Variants in BTBD10 observed in about 807,000 individuals in gnomAD.
BTBD10 encodes BTB domain containing 10, also known as BTB/POZ domain-containing protein 10.
Under a neutral mutation model 53.2 loss-of-function variants are expected in BTBD10, and 21 were observed. That is an observed-to-expected ratio of 0.39 (90% CI 0.28 to 0.57). BTBD10 has a LOEUF of 0.57. Among genes scored for constraint, BTBD10 ranks in the 20% least tolerant of loss-of-function variants. The pLI is 0.53. For synonymous variants in BTBD10, 149 were observed against 192.7 expected (o/e 0.77, Z 1.88); for missense variants, 360 against 594.7 (o/e 0.61, Z 4.10).
rs1949322599 is a variant in BTBD10, at chr11:13,388,730, G to A, written c.*101C>T. 5 of 1,248,534 alleles carry A rather than the reference G, an allele frequency of 4.0e-6. No individual in the cohort carries two copies. In the East Asian group the frequency reaches 1.2e-4, roughly 29 times the overall value. The allele number at this position is 1,248,534 out of a possible 1,614,324, so 77.3% of individuals were successfully genotyped here. ...ACTGCAATATCCTAAACATTGTTAT[G>A]TGCATCTCACAATGAAGAAGAGTGG... On this transcript the variant is annotated 3_prime_UTR_variant, in exon 9 of 9. Transcript: ENST00000278174.
In BTBD10 at chr11:13,421,827, C is replaced by A; in HGVS notation, c.113G>T (p.Arg38Leu). ...GTGGTCAACTCCTCCTTTAGCAATA[C>A]GCGAGGAAGTACTGATAAGTTAGAA... The part of the protein sequence containing the change: ...KLYKHSSTSS[R>L]IAKGGVDHTK... The change falls in exon 3 of 9, where the codon CGT becomes CTT. Residue 38 changes from arginine (R) to leucine (L), a missense_variant. By Grantham distance (102) the Arg-to-Leu change is moderately radical. Transcript: ENST00000278174. The A allele has an allele frequency of 6.2e-7, 1 of 1,609,916 alleles. No homozygotes were observed. Among genetic ancestry groups the A allele is most frequent in the Non-Finnish European group, 8.5e-7 (1 of 1,177,650 alleles).
chr11:13,441,188 C>T (rs1950641558), intron 2 of BTBD10, among the ~76,000 whole-genome samples: 1 of 151,970 alleles, frequency 6.6e-6, no homozygotes, highest in Non-Finnish European at 1.5e-5. Context: ...ATCATAGGCA[C>T]CCTAAAAGTC....
At chr11:13,456,177 A>G (rs1950964213) in intron 1 of BTBD10, among the ~76,000 whole-genome samples, 1 of 152,200 alleles carries the variant, frequency 6.6e-6, no homozygotes, top group Non-Finnish European at 1.5e-5. Flanking sequence ...TGTTATATTC[A>G]AAGATCTTTG....
intron 8 of BTBD10, among the ~76,000 whole-genome samples, chr11:13,397,869 T>A (rs894169531): frequency 4.6e-5 from 7 of 152,244 alleles, no homozygotes; most frequent in Admixed American, 6.5e-5. Context: ...AGTTTCTTAA[T>A]CCTGAGTTCT....
chr11:13,406,505 G>A (rs1037304586), intron 6 of BTBD10, among the ~76,000 whole-genome samples: 1 of 151,914 alleles, frequency 6.6e-6, no homozygotes, highest in Non-Finnish European at 1.5e-5. Context: ...TACTGCTACT[G>A]CATCAGCCTG....
chr11:13,410,667 C>T (rs1323670342), intron 6 of BTBD10, among the ~76,000 whole-genome samples: 1 of 152,124 alleles, frequency 6.6e-6, no homozygotes, highest in Non-Finnish European at 1.5e-5. Flanking sequence ...AACTGTGAGG[C>T]ATATATTAGG....
rs771169663 is a variant in BTBD10 at position 13,419,661 on chromosome 11, C to A, written c.383G>T (p.Gly128Val). 1 of 1,613,972 alleles carries A rather than the reference C, an allele frequency of 6.2e-7. No homozygotes were observed. Among genetic ancestry groups the A allele is most frequent in the East Asian group, 2.2e-5 (1 of 44,876 alleles). ...CTGACTACTGTTTCTGCTGCTGTTC[C>A]CAGCACTGCTAATGGAACCATTTGG... is the stretch of plus-strand genomic sequence containing the variant. ...ASPNGSISSA[G>V]NSSRNSSQSS... Residue 128 changes from glycine (G) to valine (V), a missense_variant, in exon 4 of 9, where the codon GGG (glycine) becomes GTG (valine). Physicochemically the swap from Gly to Val is moderately radical, Grantham distance 109 (BLOSUM62 -3). Coordinates refer to ENST00000278174, the MANE Select transcript of BTBD10 (RefSeq NM_032320.7).
intron 4 of BTBD10, among the ~76,000 whole-genome samples, chr11:13,418,902 A>C (rs1950182576): frequency 6.7e-6 from 1 of 150,078 alleles, no homozygotes; most frequent in Admixed American, 6.7e-5. Flanking sequence ...TTGATCTATT[A>C]CTCTGGACCA....
intron 2 of BTBD10, among the ~76,000 whole-genome samples, chr11:13,426,967 T>C (rs1950350715): frequency 2.0e-5 from 3 of 152,254 alleles, no homozygotes; most frequent in East Asian, 3.9e-4. Flanking sequence ...AGATTGGATA[T>C]AAAAGCTAGA....
intron 2 of BTBD10, among the ~76,000 whole-genome samples, chr11:13,443,395 T>A (rs575271628): frequency 6.6e-6 from 1 of 152,208 alleles, no homozygotes; most frequent in Non-Finnish European, 1.5e-5. Context: ...ACTGTATGTA[T>A]GTAGCTTTTA....
chr11:13,415,027 C>A (rs1322419292), intron 5 of BTBD10, among the ~76,000 whole-genome samples: 1 of 151,852 alleles, frequency 6.6e-6, no homozygotes, highest in Non-Finnish European at 1.5e-5. Context: ...TCCATCACAG[C>A]ATCCTCCCTT....
At chr11:13,449,386 GA>G (rs1950809598) in intron 1 of BTBD10, among the ~76,000 whole-genome samples, 1 of 151,416 alleles carries the variant, frequency 6.6e-6, no homozygotes, top group Non-Finnish European at 1.5e-5. Flanking sequence ...GAAATCTTAA[GA>G]GATAAGATTA....
intron 5 of BTBD10, 75 bp from the exon 6 acceptor site, chr11:13,413,725 C>T: frequency 7.2e-7 from 1 of 1,398,412 alleles, no homozygotes. Context: ...TAAGGAAGGG[C>T]TGGTAACATT....
At chr11:13,433,492 C>G (rs1318615178) in intron 2 of BTBD10, among the ~76,000 whole-genome samples, 1 of 152,122 alleles carries the variant, frequency 6.6e-6, no homozygotes, top group Non-Finnish European at 1.5e-5. Context: ...ATACCAGATC[C>G]TCTGTTTCGG....
chr11:13,416,707 G>T (rs1032170948), intron 5 of BTBD10, among the ~76,000 whole-genome samples: 1 of 151,934 alleles, frequency 6.6e-6, no homozygotes, highest in Non-Finnish European at 1.5e-5. Flanking sequence ...ATGGCATGGT[G>T]GCTCAATGCC....
intron 2 of BTBD10, among the ~76,000 whole-genome samples, chr11:13,439,411 G>A (rs1407946199): frequency 6.6e-6 from 1 of 151,974 alleles, no homozygotes; most frequent in Non-Finnish European, 1.5e-5. Flanking sequence ...ACCAATTAGA[G>A]CTTTATCATT....
chr11:13,434,879 G>A (rs1308796738), intron 2 of BTBD10, among the ~76,000 whole-genome samples: 1 of 152,134 alleles, frequency 6.6e-6, no homozygotes, highest in South Asian at 2.1e-4. Context: ...AAATGTAGGA[G>A]GTGAGAGAAA....
chr11:13,402,365 T>C (rs892821536), intron 8 of BTBD10, among the ~76,000 whole-genome samples: 16 of 152,216 alleles, frequency 1.1e-4, no homozygotes, highest in African/African-American at 3.6e-4. Flanking sequence ...TTTTCATATA[T>C]TAATTCATTC....
At chr11:13,418,798 C>T (rs1220855771) in intron 4 of BTBD10, among the ~76,000 whole-genome samples, 2 of 151,942 alleles carry the variant, frequency 1.3e-5, no homozygotes, top group African/African-American at 4.8e-5. Flanking sequence ...ACTGATTTTG[C>T]AATTAAAAGG....
Sources: allele counts gnomAD v4.1 joint callset (sites outside exome capture counted in the v4.1 genomes callset), GRCh38; gene constraint gnomAD v4.1.1; transcripts MANE v1.5; gene names NCBI Gene and HGNC (gene_info 2026-07-23, HGNC 2026-07-21).